Variants in NDRG1 observed in about 807,000 individuals in gnomAD.
The protein encoded by NDRG1 is protein NDRG1.
Under a neutral mutation model 56.9 loss-of-function variants are expected in NDRG1, and 32 were observed. The observed-to-expected ratio is 0.56, with a 90% CI of 0.42 to 0.76. The LOEUF (loss-of-function observed/expected upper bound fraction) is 0.76. Among genes scored for constraint, NDRG1 ranks in the 30% least tolerant of loss-of-function variants. NDRG1 has a pLI of 0.00. For missense variants in NDRG1, 507 were observed against 545.7 expected (o/e 0.93, Z 0.71); for synonymous variants, 211 against 204.1 (o/e 1.03, Z -0.29).
chr8:133,283,117 TTC>T (rs1857908532), intron 2 of NDRG1, among the ~76,000 whole-genome samples: 1 of 152,230 alleles, frequency 6.6e-6, no homozygotes, highest in Non-Finnish European at 1.5e-5. Context: ...CTGGGTTTGA[TTC>T]CATGTCCCAC....
At chr8:133,289,820 G>T (rs1858332763) in intron 1 of NDRG1, among the ~76,000 whole-genome samples, 2 of 152,188 alleles carry the variant, frequency 1.3e-5, no homozygotes, top group South Asian at 4.1e-4. Context: ...CAGCAGGAAC[G>T]CTGGCCTAGG....
intron 3 of NDRG1, among the ~76,000 whole-genome samples, chr8:133,271,729 G>A (rs972991591): frequency 7.9e-6 from 1 of 126,720 alleles, no homozygotes; most frequent in Non-Finnish European, 1.6e-5. Context: ...GCAGTGAGCC[G>A]AGATCACACT....
intron 9 of NDRG1, among the ~76,000 whole-genome samples, chr8:133,252,241 G>A (rs6980939): frequency 0.19 from 28,890 of 152,054 alleles, 3,110 homozygotes; most frequent in African/African-American, 0.28. Flanking sequence ...GATTACAGGC[G>A]CGTGCCACCA....
intron 1 of NDRG1, among the ~76,000 whole-genome samples, chr8:133,292,374 C>A (rs1174668381): frequency 6.6e-6 from 1 of 152,154 alleles, no homozygotes. Flanking sequence ...GCAAGATGGT[C>A]CAAGTTACTT....
intron 4 of NDRG1, among the ~76,000 whole-genome samples, chr8:133,263,568 T>C (rs1856761623): frequency 6.6e-6 from 1 of 152,228 alleles, no homozygotes; most frequent in Admixed American, 6.5e-5. Context: ...TAAACATTCG[T>C]AGCAGAGTTA....
chr8:133,287,625 C>T (rs968418383), intron 1 of NDRG1, among the ~76,000 whole-genome samples: 10 of 152,212 alleles, frequency 6.6e-5, no homozygotes, highest in Admixed American at 1.3e-4. Context: ...GCATCCAGGA[C>T]AGCGTCTGTG....
intron 11 of NDRG1, among the ~76,000 whole-genome samples, chr8:133,248,235 G>GT (rs1855803683): frequency 3.3e-5 from 5 of 152,172 alleles, no homozygotes; most frequent in African/African-American, 1.2e-4. Context: ...ACAGCATGAA[G>GT]GACAAAGGCA....
chr8:133,239,407 G>A, intron 15 of NDRG1: 2 of 586,218 alleles, frequency 3.4e-6, no homozygotes, highest in East Asian at 2.9e-5. Context: ...GTAATTTTGA[G>A]AGTGTCCCCC....
chr8:133,279,379 G>C (rs148834107), intron 3 of NDRG1, among the ~76,000 whole-genome samples: 1 of 152,226 alleles, frequency 6.6e-6, no homozygotes, highest in South Asian at 2.1e-4. Context: ...CGGGATGGAT[G>C]GGGGAGCATT....
chr8:133,255,876 C>CT (rs1856341891), intron 8 of NDRG1: 1 of 154,554 alleles, frequency 6.5e-6, no homozygotes, highest in Non-Finnish European at 1.4e-5. Flanking sequence ...TTGGCCAACA[C>CT]TGAGGCCTTT....
At chr8:133,283,459 A>G (rs949854755) in intron 2 of NDRG1, among the ~76,000 whole-genome samples, 1 of 152,178 alleles carries the variant, frequency 6.6e-6, no homozygotes, top group African/African-American at 2.4e-5. Flanking sequence ...AGGTTCATTC[A>G]TCTTCAGAAC....
At chr8:133,260,450 T>G (rs1055781913) in intron 5 of NDRG1, among the ~76,000 whole-genome samples, 1 of 152,070 alleles carries the variant, frequency 6.6e-6, no homozygotes, top group Admixed American at 6.5e-5. Flanking sequence ...GAAAACCACA[T>G]AGTAAACTAG....
At chr8:133,247,034 A>C (rs971478573) in intron 12 of NDRG1, among the ~76,000 whole-genome samples, 3 of 152,254 alleles carry the variant, frequency 2.0e-5, no homozygotes, top group Non-Finnish European at 4.4e-5. Context: ...TACAGGTTTA[A>C]TATTCCCAGA....
intron 4 of NDRG1, among the ~76,000 whole-genome samples, chr8:133,262,532 AC>A (rs1311447437): frequency 6.6e-6 from 1 of 152,106 alleles, no homozygotes; most frequent in Non-Finnish European, 1.5e-5. Flanking sequence ...ATCTGGGTCC[AC>A]TATACCCTCC....
At chr8:133,277,531 C>T (rs918073832) in intron 3 of NDRG1, among the ~76,000 whole-genome samples, 1 of 152,170 alleles carries the variant, frequency 6.6e-6, no homozygotes, top group Non-Finnish European at 1.5e-5. Flanking sequence ...CGCACCACTA[C>T]ACTCCAGCCT....
intron 1 of NDRG1, among the ~76,000 whole-genome samples, chr8:133,293,334 G>A (rs1204962958): frequency 6.6e-6 from 1 of 152,224 alleles, no homozygotes. Flanking sequence ...GCCTGGGGTG[G>A]ATCCAGGAAA....
rs142426003 is a variant in NDRG1, at chr8:133,264,567, T to C, written c.185A>G (p.Tyr62Cys). 3.7e-5 allele frequency: 60 copies of C among 1,614,006 alleles called. No homozygotes were observed. Among genetic ancestry groups the C allele is most frequent in the African/African-American group, 2.8e-4 (21 of 74,910 alleles). Residue 62 changes from tyrosine (Y) to cysteine (C), a missense_variant, in exon 4 of 16, where the codon TAC becomes TGC. By Grantham distance (194) the Tyr-to-Cys change is radical. Transcript: ENST00000323851. The stretch of plus-strand genomic sequence containing the variant: ...CTTACGGTTCATGCCGATGTCATGG[T>C]AGGTGAGGATGACAGGCCGGTTTCC... ...PKGNRPVILT[Y>C]HDIGMNHKTC...
At chr8:133,266,641 G>A (rs1000775661) in intron 3 of NDRG1, among the ~76,000 whole-genome samples, 4 of 152,208 alleles carry the variant, frequency 2.6e-5, no homozygotes, top group Non-Finnish European at 4.4e-5. Context: ...ATCCACACCC[G>A]CTGGTGATCG....
At chr8:133,273,471 T>A (rs1400255024) in intron 3 of NDRG1, among the ~76,000 whole-genome samples, 1 of 152,106 alleles carries the variant, frequency 6.6e-6, no homozygotes, top group African/African-American at 2.4e-5. Flanking sequence ...ATCTTCAACA[T>A]AAAACAAGGA....
Sources: gnomAD v4.1 joint callset for allele counts (sites outside exome capture counted in the v4.1 genomes callset) on GRCh38, gnomAD v4.1.1 for gene constraint, MANE v1.5 for transcripts, NCBI Gene and HGNC (gene_info 2026-07-23, HGNC 2026-07-21) for gene names.